NSMCE4A: variants seen among roughly 807,000 people sequenced by gnomAD.
NSMCE4A encodes NSE4A component of SMC5/6 complex, also known as non-structural maintenance of chromosomes element 4 homolog A.
Under a neutral mutation model 47.9 loss-of-function variants are expected in NSMCE4A, and 40 were observed. The ratio of observed to expected loss-of-function variants is 0.83; its 90% CI spans 0.65 to 1.09. NSMCE4A has a LOEUF of 1.09. NSMCE4A is among the 50% of genes least tolerant of loss of function. NSMCE4A has a pLI of 0.00. For missense variants in NSMCE4A, 500 were observed against 507.0 expected (o/e 0.99, Z 0.13); for synonymous variants, 166 against 178.5 (o/e 0.93, Z 0.56).
At chr10:121,974,484 C>T in intron 1 of NSMCE4A, 5 of 1,000,446 alleles carry the variant, frequency 5.0e-6, no homozygotes, top group Non-Finnish European at 6.0e-6. Flanking sequence ...CATTTGACAG[C>T]TCTCGCGTGC....
At chr10:121,958,221 C>G (rs1952434911) in intron 10 of NSMCE4A, among the ~76,000 whole-genome samples, 1 of 151,936 alleles carries the variant, frequency 6.6e-6, no homozygotes, top group African/African-American at 2.4e-5. Context: ...CAGAGCAAGA[C>G]TCTGTCTCAA....
intron 3 of NSMCE4A, among the ~76,000 whole-genome samples, chr10:121,968,333 T>C (rs1952644660): frequency 6.6e-6 from 1 of 152,220 alleles, no homozygotes; most frequent in Non-Finnish European, 1.5e-5. Flanking sequence ...CCCCCTGGGA[T>C]TTTTTGTATC....
At chr10:121,968,577 G>A (rs182014831) in intron 3 of NSMCE4A, among the ~76,000 whole-genome samples, 45 of 151,988 alleles carry the variant, frequency 3.0e-4, no homozygotes, top group Middle Eastern at 3.4e-3. Flanking sequence ...AAGAGTTGGC[G>A]GAAGTCAAAT....
At chr10:121,959,717 A>G (rs1952464143) in intron 8 of NSMCE4A, 122 bp from the exon 9 acceptor site, 13 of 665,864 alleles carry the variant, frequency 2.0e-5, no homozygotes, top group East Asian at 1.6e-4. Context: ...ATAATATTAC[A>G]TACTTTTTAG....
chr10:121,966,338 G>A (rs1952606471), intron 4 of NSMCE4A: 1 of 152,200 alleles, frequency 6.6e-6, no homozygotes, highest in Non-Finnish European at 1.5e-5. Context: ...GAGGCCAAGA[G>A]AACAGCAAGT....
At position 121,967,711 on chromosome 10, in the gene NSMCE4A, CT is replaced by C; in HGVS notation, c.596del (p.Lys199ArgfsTer2). On this transcript the variant is annotated frameshift_variant, in exon 4 of 11. Transcript: ENST00000369023. LOFTEE classifies it high-confidence loss of function. Reference sequence around the variant, plus strand: ...TGTTTTCTGCTGTTCTGCCTGTTATCTTCCAGGAGTCATAGACTATGAATTC... The same window carrying C: ...TGTTTTCTGCTGTTCTGCCTGTTATCTCCAGGAGTCATAGACTATGAATTC... ...DFEFIVYDSW[K>X]ITGRTAENTF... is the part of the protein sequence containing the mutation. 6.2e-7 allele frequency: 1 copy of C among 1,614,056 alleles called. No homozygotes were observed. Among genetic ancestry groups the C allele is most frequent in the Non-Finnish European group, 8.5e-7 (1 of 1,179,976 alleles).
intron 2 of NSMCE4A, among the ~76,000 whole-genome samples, 170 bp from the exon 3 acceptor site, chr10:121,971,239 G>A (rs190652877): frequency 4.3e-4 from 65 of 152,032 alleles, no homozygotes; most frequent in Middle Eastern, 3.4e-3. Flanking sequence ...GGCCAGGTGC[G>A]GTGGCTCAAG....
chr10:121,965,316 C>G lies in NSMCE4A; in HGVS notation c.723G>C (p.Val241=). The G allele has an allele frequency of 6.2e-7, 1 of 1,613,792 alleles. No homozygotes were observed. Among genetic ancestry groups the G allele is most frequent in the Non-Finnish European group, 8.5e-7 (1 of 1,179,814 alleles). Residue 241 remains valine (V), a synonymous_variant, in exon 5 of 11, where the codon GTG becomes GTC. Transcript: ENST00000369023. ...PRVDRPRKVP[V]IQEERAMPAQ... ...CAGGCATTGCCCTCTCCTCTTGTAT[C>G]ACAGGAACTTTTCTTGGACGATCAA... is the stretch of plus-strand genomic sequence containing the variant.
rs760419369 is a variant in NSMCE4A at position 121,975,090 on chromosome 10, A to AGCGGGT, written c.70_75dup (p.Thr24_Arg25dup). The AGCGGGT allele has an allele frequency of 2.1e-6, 3 of 1,442,948 alleles. No homozygotes were observed. Among genetic ancestry groups the AGCGGGT allele is most frequent in the East Asian group, 3.0e-5 (1 of 33,202 alleles). 89.4% of individuals were successfully genotyped at this position (1,442,948 alleles called of 1,614,324 possible). Reference sequence around the variant, plus strand: ...AAAGGGGACCGCGAGCGGGAGCGGGAGCGGGTGCGATCCCGATGCGGGTCG... The same window carrying AGCGGGT: ...AAAGGGGACCGCGAGCGGGAGCGGGAGCGGGTGCGGGTGCGATCCCGATGCGGGTCG... On this transcript the variant is annotated inframe_insertion, in exon 1 of 11. Transcript: ENST00000369023.
chr10:121,963,154 C>G, intron 6 of NSMCE4A, 84 bp downstream of exon 6: 1 of 671,610 alleles, frequency 1.5e-6, no homozygotes, highest in Non-Finnish European at 2.6e-6. Context: ...ATATTACATA[C>G]AGCTGAAATT....
At chr10:121,965,994 T>C (rs1952600001) in intron 4 of NSMCE4A, 1 of 152,234 alleles carries the variant, frequency 6.6e-6, no homozygotes, top group Admixed American at 6.5e-5. Flanking sequence ...ATATACGATG[T>C]AGATGGACAG....
intron 6 of NSMCE4A, chr10:121,961,806 A>G (rs1432259103): frequency 3.3e-6 from 1 of 301,400 alleles, no homozygotes; most frequent in Non-Finnish European, 6.1e-6. Context: ...AAATGCTATA[A>G]AGAACTTAAT....
rs1308669004 is a variant in NSMCE4A, at chr10:121,970,969, G to T, written c.471C>A (p.Ser157=). 1 of 1,612,878 alleles carries T rather than the reference G, an allele frequency of 6.2e-7. No individual in the cohort carries two copies. Among genetic ancestry groups the T allele is most frequent in the South Asian group, 1.1e-5 (1 of 90,754 alleles). ...TTTCAACATATCTTAACATGTCAAAGGAGCTCAGGTCTGAGCGCAGCTGCT... is the reference window on the plus strand; with the variant it reads ...TTTCAACATATCTTAACATGTCAAATGAGCTCAGGTCTGAGCGCAGCTGCT... ...KAKQLRSDLS[S]FDMLRYVETL... The change falls in exon 3 of 11, where the codon TCC becomes TCA. Residue 157 remains serine, a synonymous_variant. Transcript: ENST00000369023.
intron 2 of NSMCE4A, among the ~76,000 whole-genome samples, chr10:121,971,785 CAGCAATAGGTAAGCTGCTA>C (rs1480119372): frequency 6.6e-6 from 1 of 152,118 alleles, no homozygotes; most frequent in Admixed American, 6.5e-5. Flanking sequence ...GGTTTGTGAA[CAGCAATAGGTAAGCTGCTA>C]AGCAATAGGT....
At position 121,960,061 on chromosome 10, in the gene NSMCE4A, G is replaced by C; in HGVS notation, c.988+297C>G. 6.7e-6 allele frequency: 2 copies of C among 297,218 alleles called. No individual in the cohort carries two copies. The highest frequency in any genetic ancestry group is 1.2e-5 in the Non-Finnish European group (2 of 164,340). The allele number at this position is 297,218 out of a possible 1,614,324, so 18.4% of individuals were successfully genotyped here. Reference sequence around the variant, plus strand: ...GCCGGCATCTGACAAAACGTGATTAGAAAGAGGGATACTACAAAAATGACT... The same window carrying C: ...GCCGGCATCTGACAAAACGTGATTACAAAGAGGGATACTACAAAAATGACT... On this transcript the variant is annotated intron_variant, in intron 8 of 10. Transcript: ENST00000369023. This position sits in a 1 kb window ranked among gnomAD's most constrained non-coding sequence, Gnocchi z 4.2.
At chr10:121,966,128 T>C (rs1443175552) in intron 4 of NSMCE4A, 1 of 152,164 alleles carries the variant, frequency 6.6e-6, no homozygotes. Flanking sequence ...ACATGGTAGA[T>C]CCTGGGCGCT....
chr10:121,957,775 G>T (rs1483982558), intron 10 of NSMCE4A, among the ~76,000 whole-genome samples: 1 of 151,880 alleles, frequency 6.6e-6, no homozygotes, highest in African/African-American at 2.4e-5. Context: ...TGGAACAAAA[G>T]TATTTCAATT....
At chr10:121,961,077 C>T (rs1468975831) in intron 7 of NSMCE4A, among the ~76,000 whole-genome samples, 3 of 152,122 alleles carry the variant, frequency 2.0e-5, no homozygotes, top group African/African-American at 7.2e-5. Context: ...CTTCTTTTCC[C>T]TAATCTTTCA....
chr10:121,958,596 T>C (rs993013661), intron 10 of NSMCE4A, among the ~76,000 whole-genome samples: 15 of 152,122 alleles, frequency 9.9e-5, no homozygotes, highest in African/African-American at 9.7e-5. Flanking sequence ...ATTTCACTTA[T>C]CTAATTTACC....
Sources: allele counts gnomAD v4.1 joint callset (sites outside exome capture counted in the v4.1 genomes callset), GRCh38; gene constraint gnomAD v4.1.1; non-coding constraint Gnocchi (gnomAD v3.1); transcripts MANE v1.5; gene names NCBI Gene and HGNC (gene_info 2026-07-23, HGNC 2026-07-21).